Variants in TMEM236 observed in about 807,000 individuals in gnomAD.
The protein encoded by TMEM236 is transmembrane protein 236.
In TMEM236, 11 loss-of-function variants were observed where a neutral mutation model predicts 14.7. The ratio of observed to expected loss-of-function variants is 0.75; its 90% CI spans 0.47 to 1.24. The LOEUF (loss-of-function observed/expected upper bound fraction) is 1.24. Ranked by LOEUF, TMEM236 falls within the 50% of genes most tolerant of loss-of-function variation. The pLI is 0.00. For synonymous variants in TMEM236, 182 were observed against 168.6 expected (o/e 1.08, Z -0.62); for missense variants, 464 against 427.3 (o/e 1.09, Z -0.76).
At chr10:17,773,011 C>T (rs1051398138) in intron 2 of TMEM236, among the ~76,000 whole-genome samples, 4 of 152,084 alleles carry the variant, frequency 2.6e-5, no homozygotes, top group Non-Finnish European at 4.4e-5. Flanking sequence ...GAAGCTCATT[C>T]GTTTTCAGCT....
intron 3 of TMEM236, among the ~76,000 whole-genome samples, chr10:17,782,307 T>C (rs1468024070): frequency 6.6e-6 from 1 of 152,106 alleles, no homozygotes; most frequent in Non-Finnish European, 1.5e-5. Context: ...AAAGAAAAGG[T>C]AAACCAACCA....
At position 17,798,787 on chromosome 10, in the gene TMEM236, G is replaced by T. The variant is rs1447544072; in HGVS notation, c.*2283G>T. On this transcript the variant is annotated 3_prime_UTR_variant, in exon 4 of 4. Coordinates refer to ENST00000377495, the MANE Select transcript of TMEM236 (RefSeq NM_001098844.3). ...TAGTACTACATTAATAGGGTTAGGAGGGTTAAAGGGTAAAGAGTCCTTTGA... is the reference window on the plus strand; with the variant it reads ...TAGTACTACATTAATAGGGTTAGGATGGTTAAAGGGTAAAGAGTCCTTTGA... 1.1e-5 allele frequency: 5 copies of T among 467,096 alleles called. No individual in the cohort carries two copies. The highest frequency in any genetic ancestry group is 6.1e-5 in the African/African-American group (3 of 49,206). 28.9% of individuals were successfully genotyped at this position (467,096 alleles called of 1,614,324 possible). A position where few individuals can be genotyped will look rare whatever the true frequency, so the allele number is the denominator to read the frequency against.
intron 3 of TMEM236, among the ~76,000 whole-genome samples, chr10:17,790,470 C>A (rs988513419): frequency 6.6e-6 from 1 of 152,096 alleles, no homozygotes; most frequent in East Asian, 1.9e-4. Context: ...GCAGGAGGAT[C>A]GCTTGAGCCC....
intron 1 of TMEM236, among the ~76,000 whole-genome samples, chr10:17,756,377 C>T (rs1237586686): frequency 6.6e-6 from 1 of 151,928 alleles, no homozygotes; most frequent in Non-Finnish European, 1.5e-5. Flanking sequence ...GCTCCCTGTA[C>T]CTCTGCCTCC....
chr10:17,754,924 T>TTTTATTTACTTATTTA (rs1671073103), intron 1 of TMEM236, among the ~76,000 whole-genome samples: 1 of 146,672 alleles, frequency 6.8e-6, no homozygotes, highest in Non-Finnish European at 1.5e-5. Flanking sequence ...CATACTGATG[T>TTTTATTTACTTATTTA]TTTATTTATT....
At chr10:17,769,124 AC>A (rs201690050) in intron 1 of TMEM236, among the ~76,000 whole-genome samples, 18,456 of 152,240 alleles carry the variant, frequency 0.12, 1,351 homozygotes, top group Middle Eastern at 0.19. Context: ...TAAAAGCATG[AC>A]TTCATTTAAA....
At chr10:17,760,914 A>G (rs905438270) in intron 1 of TMEM236, among the ~76,000 whole-genome samples, 6 of 152,136 alleles carry the variant, frequency 3.9e-5, no homozygotes, top group African/African-American at 1.2e-4. Context: ...CCATTATTCA[A>G]TTACCTCCCA....
Position 17,798,481 on chromosome 10 carries a change from G to A in TMEM236, c.*1977G>A, listed in dbSNP as rs1426104332. On this transcript the variant is annotated 3_prime_UTR_variant, in exon 4 of 4. Transcript: ENST00000377495. ...TTGAGCCCAGGAGGTCAAGGCTACA[G>A]TGAGCTATGATCATGCCACTGCACT... 8 of 506,470 alleles carry A rather than the reference G, an allele frequency of 1.6e-5. No individual in the cohort carries two copies. Among genetic ancestry groups the A allele is most frequent in the Non-Finnish European group, 3.2e-5 (8 of 247,792 alleles). 31.4% of individuals were successfully genotyped at this position (506,470 alleles called of 1,614,324 possible).
At chr10:17,772,260 G>A (rs1333708997) in intron 2 of TMEM236, among the ~76,000 whole-genome samples, 2 of 152,178 alleles carry the variant, frequency 1.3e-5, no homozygotes, top group African/African-American at 4.8e-5. Context: ...AAATTACATG[G>A]TTGTTAGAAT....
intron 3 of TMEM236, 89 bp downstream of exon 3, chr10:17,776,259 G>A: frequency 7.9e-7 from 1 of 1,259,258 alleles, no homozygotes; most frequent in Non-Finnish European, 1.1e-6. Flanking sequence ...CATGTTTAAT[G>A]ATACCTTTTC....
At position 17,795,933 on chromosome 10, in the gene TMEM236, G is replaced by C. The variant is rs1242908595; in HGVS notation, c.485G>C (p.Gly162Ala). The C allele has an allele frequency of 1.2e-6, 2 of 1,613,836 alleles. No homozygotes were observed. The highest frequency in any genetic ancestry group is 8.5e-7 in the Non-Finnish European group (1 of 1,179,838). ...CTGTTAATTGCAGGTAGTGAAAATG[G>C]ACACATCCATTCAACCTCTTTGCAA... Reference protein sequence around the residue: ...LRGSQKSSENGHIHSTSLQHI... With the variant: ...LRGSQKSSENAHIHSTSLQHI... The change falls in exon 4 of 4, where the codon GGA becomes GCA. Residue 162 changes from glycine (G) to alanine (A), a missense_variant. By Grantham distance (60) the Gly-to-Ala change is moderately conservative. Transcript: ENST00000377495.
At chr10:17,763,452 C>T (rs1412158569) in intron 1 of TMEM236, among the ~76,000 whole-genome samples, 2 of 152,236 alleles carry the variant, frequency 1.3e-5, no homozygotes, top group Non-Finnish European at 1.5e-5. Flanking sequence ...AGAAAACCCT[C>T]AATGCTGACA....
At chr10:17,768,614 C>T (rs1325164639) in intron 1 of TMEM236, among the ~76,000 whole-genome samples, 6 of 152,058 alleles carry the variant, frequency 3.9e-5, no homozygotes, top group African/African-American at 9.7e-5. Flanking sequence ...AAGTCAGATA[C>T]GGTCCGGGCT....
At chr10:17,785,358 C>A (rs1260120473) in intron 3 of TMEM236, among the ~76,000 whole-genome samples, 2 of 152,104 alleles carry the variant, frequency 1.3e-5, no homozygotes, top group African/African-American at 2.4e-5. Flanking sequence ...GATTATGATG[C>A]CCACTCTGAG....
intron 1 of TMEM236, among the ~76,000 whole-genome samples, chr10:17,769,501 A>G (rs1004680070): frequency 4.2e-4 from 64 of 152,392 alleles, no homozygotes; most frequent in Middle Eastern, 3.4e-3. Flanking sequence ...AAGATAATAT[A>G]GATAAAGAAC....
chr10:17,763,448 C>T (rs1554834153), intron 1 of TMEM236, among the ~76,000 whole-genome samples: 4 of 152,082 alleles, frequency 2.6e-5, no homozygotes, highest in African/African-American at 9.7e-5. Context: ...GAAAAGAAAA[C>T]CCTCAATGCT....
rs2130542700 is a variant in TMEM236, at chr10:17,797,320, T to A, written c.*816T>A. On this transcript the variant is annotated 3_prime_UTR_variant, in exon 4 of 4. Transcript: ENST00000377495. ...TTTTTTTTTTTTTTTTGAGACGATG[T>A]CTCGCTCTTGTCCCCTAGGCTGGAG... The A allele has an allele frequency of 6.6e-6, 1 of 151,638 alleles. No individual in the cohort carries two copies. The highest frequency in any genetic ancestry group is 1.5e-5 in the Non-Finnish European group (1 of 67,898). 9.4% of individuals were successfully genotyped at this position (151,638 alleles called of 1,614,324 possible).
intron 3 of TMEM236, among the ~76,000 whole-genome samples, chr10:17,781,992 G>C (rs2131758124): frequency 6.6e-6 from 1 of 152,136 alleles, no homozygotes; most frequent in South Asian, 2.1e-4. Context: ...CCATTTCTAT[G>C]AAGAGATAGA....
chr10:17,795,670 T>A lies in TMEM236; in HGVS notation c.473-251T>A, dbSNP rs1389931560. On this transcript the variant is annotated intron_variant, in intron 3 of 3. Transcript: ENST00000377495. ...AGCATCAGGATAAATAGCTAATGCA[T>A]GTGAGGCTTAATATCTAGGTGATGG... 1.1e-4 allele frequency among the ~76,000 whole-genome samples: 17 copies of A among 152,256 alleles called. No homozygotes were observed. In the South Asian group the frequency reaches 3.3e-3, roughly 30 times the overall value.
Sources: gnomAD v4.1 joint callset for allele counts (sites outside exome capture counted in the v4.1 genomes callset) on GRCh38, gnomAD v4.1.1 for gene constraint, MANE v1.5 for transcripts, NCBI Gene and HGNC (gene_info 2026-07-23, HGNC 2026-07-21) for gene names.